Variants in STK32A observed in about 807,000 individuals in gnomAD.
The protein encoded by STK32A is serine/threonine kinase 32A.
STK32A carries 41 observed loss-of-function variants against 53.2 expected under a neutral mutation model. The observed-to-expected ratio is 0.77, with a 90% CI of 0.60 to 1.00. STK32A has a LOEUF of 1.00. Among genes scored for constraint, STK32A ranks in the 50% least tolerant of loss-of-function variants. The pLI is 0.00. For synonymous variants in STK32A, 166 were observed against 162.8 expected (o/e 1.02, Z -0.15); for missense variants, 458 against 485.8 (o/e 0.94, Z 0.54).
At chr5:147,269,520 T>C (rs1157609894) in intron 2 of STK32A, among the ~76,000 whole-genome samples, 1 of 152,218 alleles carries the variant, frequency 6.6e-6, no homozygotes, top group Non-Finnish European at 1.5e-5. Context: ...CCATGTCGAA[T>C]TGACTTTGCC....
Position 147,361,506 on chromosome 5 carries a change from G to T in STK32A, c.563-11G>T, listed in dbSNP as rs569675847. ...GGGAATCAAACTGGTTTAATTTTTC[G>T]TGTTTTTCAGCACCTGAGATGTTCA... On this transcript the variant is annotated splice_polypyrimidine_tract_variant and intron_variant, in intron 7 of 12. Coordinates refer to ENST00000397936, the MANE Select transcript of STK32A (RefSeq NM_001112724.2). The T allele has an allele frequency of 5.0e-6, 8 of 1,596,922 alleles. No individual in the cohort carries two copies. In the East Asian group the frequency reaches 1.6e-4, roughly 31 times the overall value.
At chr5:147,400,843 G>A in the STK32A span, 9,511 of 1,612,620 alleles carry the variant, frequency 5.9e-3, 494 homozygotes, top group African/African-American at 0.11. Flanking sequence ...GCTGGCAAAG[G>A]AGAAAAGCTC....
At chr5:147,389,670 A>T (rs748277676), downstream of STK32A, among the ~76,000 whole-genome samples, 14 of 152,134 alleles carry the variant, frequency 9.2e-5, no homozygotes, top group Non-Finnish European at 1.3e-4. Flanking sequence ...GGAGTTCAAG[A>T]CCAGCCTGGC....
intron 4 of STK32A, among the ~76,000 whole-genome samples, chr5:147,280,255 A>T (rs1561689649): frequency 6.6e-6 from 1 of 152,116 alleles, no homozygotes; most frequent in Non-Finnish European, 1.5e-5. Flanking sequence ...GCGCCTGGCC[A>T]GAACTCAGGA....
chr5:147,265,881 G>A (rs1039747853), intron 2 of STK32A, among the ~76,000 whole-genome samples: 2 of 152,160 alleles, frequency 1.3e-5, no homozygotes, highest in Admixed American at 1.3e-4. Context: ...CATTCATGGA[G>A]AATTGTAAAA....
intron 4 of STK32A, among the ~76,000 whole-genome samples, chr5:147,322,622 T>C (rs1754373631): frequency 1.3e-5 from 2 of 152,200 alleles, no homozygotes. Flanking sequence ...AAATGAAACT[T>C]TAAAATGTTT....
At chr5:147,316,926 G>A (rs1754024003) in intron 4 of STK32A, among the ~76,000 whole-genome samples, 1 of 149,252 alleles carries the variant, frequency 6.7e-6, no homozygotes. Flanking sequence ...GTGCCTCGGA[G>A]TAACTAAATA....
intron 5 of STK32A, among the ~76,000 whole-genome samples, chr5:147,330,723 G>T (rs572794508): frequency 2.6e-5 from 4 of 152,270 alleles, no homozygotes; most frequent in African/African-American, 9.6e-5. Context: ...GCTCTTCAAA[G>T]TATGACCTCC....
At chr5:147,345,647 A>C (rs1044603754) in intron 6 of STK32A, among the ~76,000 whole-genome samples, 1 of 151,774 alleles carries the variant, frequency 6.6e-6, no homozygotes, top group African/African-American at 2.4e-5. Flanking sequence ...TTCCGTGTAC[A>C]TTCTGCTGTC....
intron 11 of STK32A, chr5:147,375,928 A>G (rs1164561963): frequency 6.6e-6 from 1 of 152,182 alleles, no homozygotes; most frequent in Non-Finnish European, 1.5e-5. Flanking sequence ...AAGGTCATCT[A>G]TCTATCCACA....
chr5:147,302,590 T>C (rs1290664162), intron 4 of STK32A, among the ~76,000 whole-genome samples: 1 of 152,208 alleles, frequency 6.6e-6, no homozygotes, highest in Non-Finnish European at 1.5e-5. Flanking sequence ...GGCACCATCA[T>C]GTCTGAGTTA....
intron 11 of STK32A, among the ~76,000 whole-genome samples, chr5:147,382,413 A>T (rs1757488663): frequency 6.6e-6 from 1 of 151,484 alleles, no homozygotes; most frequent in African/African-American, 2.4e-5. Flanking sequence ...TATCTAGTAG[A>T]TCTACTGTTA....
chr5:147,297,780 C>T lies in STK32A; in HGVS notation c.260+18382C>T, dbSNP rs148013954. ...ATCACTTGAGGTCAGGAGTTTGAGA[C>T]CAGTCTGGTTCACATGGTGAAATCC... On this transcript the variant is annotated intron_variant, in intron 4 of 12. Coordinates refer to ENST00000397936, the MANE Select transcript of STK32A (RefSeq NM_001112724.2). 5.7e-3 allele frequency among the ~76,000 whole-genome samples: 863 copies of T among 152,136 alleles called. 7 individuals are homozygous for T. Among genetic ancestry groups the T allele is most frequent in the Non-Finnish European group, 8.4e-3 (572 of 68,002 alleles).
intron 4 of STK32A, among the ~76,000 whole-genome samples, chr5:147,316,614 TC>T (rs761690876): frequency 6.6e-6 from 1 of 152,024 alleles, no homozygotes; most frequent in Non-Finnish European, 1.5e-5. Context: ...AACAAACAAA[TC>T]ATTTTGAAAA....
downstream of STK32A, among the ~76,000 whole-genome samples, chr5:147,389,363 A>G (rs74610612): frequency 0.013 from 2,008 of 152,236 alleles, 145 homozygotes; most frequent in East Asian, 0.2. Context: ...TTGGGAGTCC[A>G]TGTGGTTCAG....
At chr5:147,321,815 G>C (rs936487986) in intron 4 of STK32A, among the ~76,000 whole-genome samples, 4 of 152,112 alleles carry the variant, frequency 2.6e-5, no homozygotes, top group African/African-American at 9.7e-5. Context: ...ATGCTAACCC[G>C]GTCTGAGTAG....
At chr5:147,350,466 A>G (rs1755916458) in intron 6 of STK32A, among the ~76,000 whole-genome samples, 1 of 151,416 alleles carries the variant, frequency 6.6e-6, no homozygotes, top group African/African-American at 2.4e-5. Flanking sequence ...GGTTCATGTG[A>G]TTCTCCTGCC....
At chr5:147,329,802 T>G (rs1363251759) in intron 5 of STK32A, among the ~76,000 whole-genome samples, 1 of 152,244 alleles carries the variant, frequency 6.6e-6, no homozygotes, top group Non-Finnish European at 1.5e-5. Flanking sequence ...ACTTATGTTT[T>G]AATCTCCAGC....
intron 4 of STK32A, among the ~76,000 whole-genome samples, chr5:147,319,204 G>A (rs1232543621): frequency 2.1e-5 from 3 of 145,806 alleles, no homozygotes; most frequent in South Asian, 2.1e-4. Context: ...GTGCAGTGGC[G>A]TGATCTTGGC....
Sources: gnomAD v4.1 joint callset for allele counts (sites outside exome capture counted in the v4.1 genomes callset) on GRCh38, gnomAD v4.1.1 for gene constraint, MANE v1.5 for transcripts, NCBI Gene and HGNC (gene_info 2026-07-23, HGNC 2026-07-21) for gene names.